ZNF490: variants seen among roughly 807,000 people sequenced by gnomAD.
The protein encoded by ZNF490 is zinc finger protein 490.
ZNF490 carries 11 observed loss-of-function variants against 17.7 expected under a neutral mutation model. That is an observed-to-expected ratio of 0.62 (90% CI 0.39 to 1.03). The LOEUF is 1.03. Ranked by LOEUF, ZNF490 falls within the 50% of genes least tolerant of loss-of-function variation. The pLI, the probability that ZNF490 is intolerant of heterozygous loss-of-function variation, is 0.00. For missense variants in ZNF490, 542 were observed against 643.4 expected (o/e 0.84, Z 1.71); for synonymous variants, 222 against 216.1 (o/e 1.03, Z -0.24).
intron 2 of ZNF490, among the ~76,000 whole-genome samples, chr19:12,587,333 T>G (rs1340570647): frequency 1.1e-5 from 1 of 87,552 alleles, no homozygotes; most frequent in East Asian, 2.1e-4. Context: ...GGGGTCTCAC[T>G]ATGTTGCCCA....
chr19:12,589,074 C>G (rs142709574), intron 2 of ZNF490, among the ~76,000 whole-genome samples: 1 of 152,156 alleles, frequency 6.6e-6, no homozygotes, highest in Admixed American at 6.5e-5. Flanking sequence ...GTAATCCCAG[C>G]GCTTTGGGAG....
At chr19:12,600,998 G>A (rs1263398017) in intron 2 of ZNF490, among the ~76,000 whole-genome samples, 1 of 151,758 alleles carries the variant, frequency 6.6e-6, no homozygotes, top group Non-Finnish European at 1.5e-5. Context: ...GCTGAGGTGG[G>A]AGGATCCTTT....
At position 12,578,545 on chromosome 19, in the gene ZNF490, A is replaced by G. The variant is rs1002437011; in HGVS notation, c.*1940T>C. 1 of 985,306 alleles carries G rather than the reference A, an allele frequency of 1.0e-6. No homozygotes were observed. Among genetic ancestry groups the G allele is most frequent in the Non-Finnish European group, 1.2e-6 (1 of 829,956 alleles). The allele number at this position is 985,306 out of a possible 1,614,324, so 61.0% of individuals were successfully genotyped here. On this transcript the variant is annotated 3_prime_UTR_variant, in exon 5 of 5. Transcript: ENST00000311437. ...GAGATGGGAAATGGAGCTGGAGATG[A>G]CCTCAAAACAGCCCTGGAATAATGC...
intron 2 of ZNF490, among the ~76,000 whole-genome samples, chr19:12,597,813 T>A (rs137976029): frequency 6.6e-6 from 1 of 152,334 alleles, no homozygotes; most frequent in African/African-American, 2.4e-5. Context: ...GCCAGGCACG[T>A]TGGCTCAAGC....
Position 12,580,533 on chromosome 19 carries a change from T to C in ZNF490, c.1542A>G (p.Ser514=). Reference sequence around the variant, plus strand: ...TCCTTTCGTGCACGTGCAAAGACTTTGAGTAACTGAAGGCTTTACCACATT... The same window carrying C: ...TCCTTTCGTGCACGTGCAAAGACTTCGAGTAACTGAAGGCTTTACCACATT... ...CRQCGKAFSY[S]KSLHVHERTH... The change falls in exon 5 of 5, where the codon TCA becomes TCG. Residue 514 remains serine, a synonymous_variant. Coordinates refer to ENST00000311437, the MANE Select transcript of ZNF490 (RefSeq NM_020714.3). 1.2e-6 allele frequency: 2 copies of C among 1,612,578 alleles called. No individual in the cohort carries two copies. The highest frequency in any genetic ancestry group is 1.7e-6 in the Non-Finnish European group (2 of 1,179,228).
At chr19:12,597,540 A>G (rs188367633) in intron 2 of ZNF490, among the ~76,000 whole-genome samples, 8 of 152,270 alleles carry the variant, frequency 5.3e-5, no homozygotes, top group Admixed American at 2.6e-4. Context: ...ACATTGTGAA[A>G]CCAATCTCTA....
chr19:12,595,441 A>G (rs1184045903), intron 2 of ZNF490, among the ~76,000 whole-genome samples: 1 of 151,688 alleles, frequency 6.6e-6, no homozygotes, highest in Non-Finnish European at 1.5e-5. Context: ...TTCTTTTACT[A>G]TATTTTGGAG....
Position 12,580,563 on chromosome 19 carries a change from A to T in ZNF490, c.1512T>A (p.Cys504Ter), listed in dbSNP as rs1017094277. 6.2e-7 allele frequency: 1 copy of T among 1,614,050 alleles called. No homozygotes were observed. The highest frequency in any genetic ancestry group is 8.5e-7 in the Non-Finnish European group (1 of 1,180,022). ...AACTGAAGGCTTTACCACATTGTCT[A>T]CACTGAAAGGGTCTTTCTCCAGTAT... ...RIHTGERPFQCRQCGKAFSYS... is the reference protein window; with the variant it reads ...RIHTGERPFQ The change falls in exon 5 of 5, where the codon TGT (cysteine) becomes TGA (stop). Residue 504 changes from cysteine to a stop codon, truncating the protein, a stop_gained. Coordinates refer to ENST00000311437, the MANE Select transcript of ZNF490 (RefSeq NM_020714.3). LOFTEE classifies it low-confidence loss of function (END_TRUNC).
rs1363975524 is a variant in ZNF490, at chr19:12,580,462, C to A, written c.*23G>T. 1 of 1,549,806 alleles carries A rather than the reference C, an allele frequency of 6.5e-7. No homozygotes were observed. ...ATCCAAAAGGAACTAATACAACTGA[C>A]AGCATTACCACACTTTACTTTCTTA... On this transcript the variant is annotated 3_prime_UTR_variant, in exon 5 of 5. Coordinates refer to ENST00000311437, the MANE Select transcript of ZNF490 (RefSeq NM_020714.3).
At position 12,581,153 on chromosome 19, in the gene ZNF490, A is replaced by T. The variant is rs767281705; in HGVS notation, c.922T>A (p.Cys308Ser). The stretch of plus-strand genomic sequence containing the variant: ...CTGAAGGCTTTCCCACATTGCTTAC[A>T]TTCATAAGGTTTCTCTCCAGTGTGA... ...RTHTGEKPYE[C>S]KQCGKAFSCP... is the part of the protein sequence containing the mutation. Residue 308 changes from cysteine (C) to serine (S), a missense_variant, in exon 5 of 5, where the codon TGT becomes AGT. Transcript: ENST00000311437. 6.2e-7 allele frequency: 1 copy of T among 1,612,756 alleles called. No homozygotes were observed. The highest frequency in any genetic ancestry group is 1.3e-5 in the African/African-American group (1 of 75,048).
In ZNF490 at chr19:12,576,183, G is replaced by C. The variant is rs910796349; in HGVS notation, c.*4302C>G. 6.6e-6 allele frequency among the ~76,000 whole-genome samples: 1 copy of C among 152,084 alleles called. No individual in the cohort carries two copies. On this transcript the variant is annotated 3_prime_UTR_variant, in exon 5 of 5. Transcript: ENST00000311437. The stretch of plus-strand genomic sequence containing the variant: ...TCACCAGCTCCATTCAGTGTTAAGG[G>C]GGGTGCTCCCAGGGAAATCAGGCAA...
intron 2 of ZNF490, among the ~76,000 whole-genome samples, chr19:12,599,139 C>CAAAAAAAAAAAAAAAAAAAAAAAAAAAA (rs55911311): frequency 1.5e-5 from 1 of 68,632 alleles, no homozygotes; most frequent in Non-Finnish European, 2.4e-5. Context: ...GACTCTGTCT[C>CAAAAAAAAAAAAAAAAAAAAAAAAAAAA]AAAAAAAAAA....
intron 2 of ZNF490, among the ~76,000 whole-genome samples, chr19:12,605,613 TTGG>T (rs1212133930): frequency 3.9e-5 from 6 of 152,188 alleles, no homozygotes; most frequent in Non-Finnish European, 8.8e-5. Flanking sequence ...TTACAGCTTG[TTGG>T]TCAGAAGCAT....
intron 2 of ZNF490, 111 bp from the exon 3 acceptor site, chr19:12,583,667 G>T: frequency 1.8e-6 from 2 of 1,106,402 alleles, no homozygotes; most frequent in Non-Finnish European, 2.4e-6. Context: ...TCGGTTTAGT[G>T]GTATAACTTG....
At chr19:12,601,547 C>A (rs1228483288) in intron 2 of ZNF490, among the ~76,000 whole-genome samples, 1 of 152,080 alleles carries the variant, frequency 6.6e-6, no homozygotes, top group Non-Finnish European at 1.5e-5. Flanking sequence ...ATGCCACAAA[C>A]CTGGCTAATT....
intron 2 of ZNF490, among the ~76,000 whole-genome samples, chr19:12,608,949 G>C (rs1599315884): frequency 6.6e-6 from 1 of 152,266 alleles, no homozygotes; most frequent in East Asian, 1.9e-4. Context: ...GCTGTGTTGG[G>C]ATGGCCAATG....
At chr19:12,583,958 C>T (rs1483981838) in intron 2 of ZNF490, among the ~76,000 whole-genome samples, 2 of 149,990 alleles carry the variant, frequency 1.3e-5, no homozygotes, top group Non-Finnish European at 3.0e-5. Context: ...CTACAGGCGC[C>T]CACCACCACA....
At chr19:12,601,973 G>C (rs1025273198) in intron 2 of ZNF490, among the ~76,000 whole-genome samples, 2 of 151,222 alleles carry the variant, frequency 1.3e-5, no homozygotes, top group South Asian at 2.1e-4. Flanking sequence ...CAGCCTGGGC[G>C]AGAGAGCAAG....
chr19:12,604,819 C>T (rs1359943652), intron 2 of ZNF490, among the ~76,000 whole-genome samples: 2 of 148,410 alleles, frequency 1.3e-5, no homozygotes, highest in East Asian at 4.0e-4. Context: ...AGCAAAACTC[C>T]GTCTCAAAAA....
Sources: gnomAD v4.1 joint callset for allele counts (sites outside exome capture counted in the v4.1 genomes callset) on GRCh38, gnomAD v4.1.1 for gene constraint, MANE v1.5 for transcripts, NCBI Gene and HGNC (gene_info 2026-07-23, HGNC 2026-07-21) for gene names.